RANBP2: variants seen among roughly 807,000 people sequenced by gnomAD.
RANBP2 encodes RAN binding protein 2, also known as E3 SUMO-protein ligase RanBP2.
In RANBP2, 57 loss-of-function variants were observed where a neutral mutation model predicts 303.6. The ratio of observed to expected loss-of-function variants is 0.19; its 90% confidence interval spans 0.15 to 0.23. The LOEUF (loss-of-function observed/expected upper bound fraction) is 0.23. Ranked by LOEUF, RANBP2 falls within the 10% of genes least tolerant of loss-of-function variation. The pLI, the probability that RANBP2 is intolerant of heterozygous loss-of-function variation, is 1.00. For synonymous variants in RANBP2, 1,167 were observed against 1,301.5 expected (o/e 0.90, Z 2.23); for missense variants, 3,138 against 3,780.8 (o/e 0.83, Z 4.46).
chr2:109,209,983 G>GC, the RANBP2 span, among the ~76,000 whole-genome samples: 1,275 of 152,148 alleles, frequency 8.4e-3, 3 homozygotes, highest in Non-Finnish European at 0.014. Flanking sequence ...TCCACGCTCA[G>GC]CCCCCCCAGT....
chr2:109,164,094 A>G, the RANBP2 span, among the ~76,000 whole-genome samples: 124,554 of 152,120 alleles, frequency 0.82, 51,145 homozygotes, highest in East Asian at 0.89. Context: ...GGGATGGAGG[A>G]GGCCTACTCT....
chr2:109,050,355 G>C, the RANBP2 span, among the ~76,000 whole-genome samples: 1 of 151,952 alleles, frequency 6.6e-6, no homozygotes, highest in Non-Finnish European at 1.5e-5. Flanking sequence ...CTGGGCTCAA[G>C]TAATCCTCCC....
chr2:109,545,652 A>G, the RANBP2 span: 3 of 1,494,092 alleles, frequency 2.0e-6, no homozygotes, highest in Non-Finnish European at 2.7e-6. Flanking sequence ...TAATTCCCCA[A>G]CAAAGGGCAC....
At chr2:109,652,383 C>T in the RANBP2 span, among the ~76,000 whole-genome samples, 7 of 148,622 alleles carry the variant, frequency 4.7e-5, no homozygotes, top group Admixed American at 6.7e-5. Flanking sequence ...CCACCACGCC[C>T]GGCTAATTTT....
chr2:109,732,672 G>T, the RANBP2 span: 1 of 564,880 alleles, frequency 1.8e-6, no homozygotes. Flanking sequence ...GTTTCATCAT[G>T]TTGGCCAGGC....
chr2:109,088,012 C>T, the RANBP2 span, among the ~76,000 whole-genome samples: 1 of 152,294 alleles, frequency 6.6e-6, no homozygotes, highest in Non-Finnish European at 1.5e-5. Flanking sequence ...CGCCTGTAAT[C>T]CCAGCACTTT....
chr2:109,434,229 G>A, the RANBP2 span, among the ~76,000 whole-genome samples: 1 of 152,194 alleles, frequency 6.6e-6, no homozygotes, highest in Non-Finnish European at 1.5e-5. Context: ...CACACCTCTG[G>A]GCTCGCCCGC....
chr2:109,129,563 T>C, the RANBP2 span: 2 of 1,490,264 alleles, frequency 1.3e-6, no homozygotes, highest in Non-Finnish European at 1.8e-6. Flanking sequence ...GCGTCCTGGC[T>C]GTGCGCATCC....
At chr2:109,055,556 T>TCTTTTCTTTTCTTTTCTTTTC in the RANBP2 span, among the ~76,000 whole-genome samples, 2 of 151,870 alleles carry the variant, frequency 1.3e-5, no homozygotes, top group Admixed American at 6.6e-5. Flanking sequence ...TCTTTTCTTT[T>TCTTTTCTTTTCTTTTCTTTTC]TTGTATTTTA....
the RANBP2 span, chr2:109,617,311 C>A: frequency 2.2e-3 from 375 of 167,092 alleles, 2 homozygotes; most frequent in Non-Finnish European, 9.7e-4. Context: ...AGAGATGGGA[C>A]TATTTCTATA....
chr2:109,414,119 C>T, the RANBP2 span, among the ~76,000 whole-genome samples: 2 of 152,234 alleles, frequency 1.3e-5, no homozygotes, highest in South Asian at 4.1e-4. Flanking sequence ...TCCTTCAGGG[C>T]CCTCTTCTGG....
the RANBP2 span, among the ~76,000 whole-genome samples, chr2:108,963,314 A>G: frequency 2.0e-5 from 3 of 152,252 alleles, no homozygotes; most frequent in Non-Finnish European, 4.4e-5. Flanking sequence ...ACTATGAGAA[A>G]AGAATTCAAT....
chr2:109,480,926 G>A, the RANBP2 span, among the ~76,000 whole-genome samples: 1 of 152,200 alleles, frequency 6.6e-6, no homozygotes, highest in Non-Finnish European at 1.5e-5. Context: ...AGAAGAAGCG[G>A]CAGATAAAAG....
the RANBP2 span, among the ~76,000 whole-genome samples, chr2:108,852,833 C>T: frequency 1.3e-5 from 2 of 152,078 alleles, no homozygotes; most frequent in African/African-American, 2.4e-5. Flanking sequence ...ATCTGTACAA[C>T]AAACTCCTAT....
At chr2:109,669,755 G>T in the RANBP2 span, among the ~76,000 whole-genome samples, 1 of 152,146 alleles carries the variant, frequency 6.6e-6, no homozygotes, top group African/African-American at 2.4e-5. Context: ...CAGCAGCCTA[G>T]GCCTGGACCC....
the RANBP2 span, among the ~76,000 whole-genome samples, chr2:109,203,437 T>C: frequency 6.6e-6 from 1 of 152,192 alleles, no homozygotes; most frequent in Non-Finnish European, 1.5e-5. Context: ...AGGCGATCAC[T>C]GTATCCCTGG....
At chr2:108,877,897 G>A in the RANBP2 span, among the ~76,000 whole-genome samples, 1 of 152,158 alleles carries the variant, frequency 6.6e-6, no homozygotes, top group African/African-American at 2.4e-5. Flanking sequence ...TAGAAGAAAG[G>A]AAAAACCAGA....
At chr2:108,900,574 CAAAA>C in the RANBP2 span, among the ~76,000 whole-genome samples, 1 of 133,230 alleles carries the variant, frequency 7.5e-6, no homozygotes, top group African/African-American at 2.6e-5. Flanking sequence ...AAAAAAAAAA[CAAAA>C]AACCCAAACC....
the RANBP2 span, among the ~76,000 whole-genome samples, chr2:108,799,712 A>C: frequency 6.6e-6 from 1 of 152,114 alleles, no homozygotes; most frequent in Non-Finnish European, 1.5e-5. Context: ...TATTTCATCA[A>C]ATATTTTTTC....
Sources: gnomAD v4.1 joint callset for allele counts (sites outside exome capture counted in the v4.1 genomes callset) on GRCh38, gnomAD v4.1.1 for gene constraint, MANE v1.5 for transcripts, NCBI Gene and HGNC (gene_info 2026-07-23, HGNC 2026-07-21) for gene names.